FGF14: variants seen among roughly 807,000 people sequenced by gnomAD.
The protein encoded by FGF14 is fibroblast growth factor 14.
Under a neutral mutation model 25.5 loss-of-function variants are expected in FGF14, and 5 were observed. The ratio of observed to expected loss-of-function variants is 0.20; its 90% CI spans 0.10 to 0.41. The LOEUF (loss-of-function observed/expected upper bound fraction) is 0.41. Among genes scored for constraint, FGF14 ranks in the 10% least tolerant of loss-of-function variants. FGF14 has a pLI of 1.00. For missense variants in FGF14, 222 were observed against 320.1 expected (o/e 0.69, Z 2.34); for synonymous variants, 138 against 118.3 (o/e 1.17, Z -1.08).
At chr13:101,837,074 T>G (rs1024379993) in intron 3 of FGF14, among the ~76,000 whole-genome samples, 1 of 152,096 alleles carries the variant, frequency 6.6e-6, no homozygotes, top group African/African-American at 2.4e-5. Flanking sequence ...TAAATCCTAC[T>G]TAGGCATGTC....
intron 3 of FGF14, among the ~76,000 whole-genome samples, chr13:101,861,878 T>C (rs1279265957): frequency 6.6e-6 from 1 of 152,138 alleles, no homozygotes; most frequent in Non-Finnish European, 1.5e-5. Flanking sequence ...CTGACATCCC[T>C]TTCCACTCAT....
chr13:101,770,736 T>C (rs991065475), intron 3 of FGF14, among the ~76,000 whole-genome samples: 1 of 151,880 alleles, frequency 6.6e-6, no homozygotes, highest in Non-Finnish European at 1.5e-5. Context: ...ATACTAAACC[T>C]GATGCTTTTC....
chr13:101,944,907 G>A (rs577974087), intron 1 of FGF14, among the ~76,000 whole-genome samples: 6 of 152,296 alleles, frequency 3.9e-5, no homozygotes, highest in African/African-American at 1.4e-4. Context: ...GAGAGTAAGT[G>A]TTTAATGGGT....
chr13:102,223,183 G>C (rs762434028), intron 1 of FGF14, among the ~76,000 whole-genome samples: 30 of 152,118 alleles, frequency 2.0e-4, no homozygotes, highest in Non-Finnish European at 3.4e-4. Context: ...TAGTATGAGT[G>C]GGGGCAAGGG....
intron 3 of FGF14, among the ~76,000 whole-genome samples, chr13:101,828,675 C>T (rs1030826174): frequency 6.6e-6 from 1 of 151,970 alleles, no homozygotes; most frequent in African/African-American, 2.4e-5. Flanking sequence ...CATGATCTCC[C>T]AAATGGATGA....
chr13:102,304,441 T>C (rs190869268), intron 1 of FGF14, among the ~76,000 whole-genome samples: 3 of 152,218 alleles, frequency 2.0e-5, no homozygotes, highest in African/African-American at 4.8e-5. Flanking sequence ...CCTAAATACA[T>C]TGAAATTGTA....
intron 1 of FGF14, among the ~76,000 whole-genome samples, chr13:102,019,127 C>G (rs1595010084): frequency 1.3e-5 from 2 of 152,110 alleles, no homozygotes; most frequent in African/African-American, 4.8e-5. Context: ...ACAGTCATGA[C>G]AATTTTGAGA....
intron 1 of FGF14, among the ~76,000 whole-genome samples, chr13:102,111,744 A>G (rs2045238211): frequency 6.7e-6 from 1 of 149,888 alleles, no homozygotes. Flanking sequence ...AGATAGTCTC[A>G]TGTACAAAGA....
At chr13:102,118,992 C>T (rs918250901) in intron 1 of FGF14, among the ~76,000 whole-genome samples, 8 of 152,132 alleles carry the variant, frequency 5.3e-5, no homozygotes, top group Admixed American at 2.0e-4. Context: ...CTCCTACAAC[C>T]CCTAATGAAT....
At chr13:102,343,989 A>C (rs2057030239) in intron 1 of FGF14, among the ~76,000 whole-genome samples, 1 of 152,174 alleles carries the variant, frequency 6.6e-6, no homozygotes. Context: ...AAGAATATGG[A>C]GTGCTTTTAA....
intron 1 of FGF14, among the ~76,000 whole-genome samples, chr13:102,101,961 C>G (rs1350880823): frequency 6.6e-6 from 1 of 152,134 alleles, no homozygotes; most frequent in East Asian, 1.9e-4. Context: ...TCTCGGCCTC[C>G]CAAAGTGCTG....
intron 1 of FGF14, among the ~76,000 whole-genome samples, chr13:102,007,610 G>A (rs2039874201): frequency 6.6e-6 from 1 of 152,172 alleles, no homozygotes; most frequent in African/African-American, 2.4e-5. Flanking sequence ...GGGACTCTGT[G>A]ACTCCATCTC....
At chr13:101,845,485 A>G (rs1445170995) in intron 3 of FGF14, among the ~76,000 whole-genome samples, 2 of 152,016 alleles carry the variant, frequency 1.3e-5, no homozygotes, top group African/African-American at 4.8e-5. Flanking sequence ...AAAATACCCA[A>G]TGGCAGAAAC....
intron 1 of FGF14, among the ~76,000 whole-genome samples, chr13:102,140,967 C>G (rs1452209184): frequency 6.6e-6 from 1 of 152,200 alleles, no homozygotes; most frequent in Non-Finnish European, 1.5e-5. Flanking sequence ...GAGCAGACAG[C>G]TGCATCCTCA....
intron 1 of FGF14, 57 bp downstream of exon 1, chr13:101,916,396 G>A (rs2033494843): frequency 3.6e-5 from 58 of 1,598,314 alleles, no homozygotes; most frequent in Middle Eastern, 1.7e-4. Context: ...GAGAAGCTCC[G>A]TTTAGGCGGG....
intron 3 of FGF14, among the ~76,000 whole-genome samples, chr13:101,736,040 T>C (rs571017709): frequency 6.6e-6 from 1 of 152,286 alleles, no homozygotes; most frequent in Admixed American, 6.5e-5. Flanking sequence ...GTTTCTTTGT[T>C]TGACAAATAC....
At chr13:101,776,919 C>A (rs1228160429) in intron 3 of FGF14, among the ~76,000 whole-genome samples, 2 of 152,132 alleles carry the variant, frequency 1.3e-5, no homozygotes, top group Non-Finnish European at 2.9e-5. Context: ...TGTGTCTTCA[C>A]AGGGTGGAAA....
intron 3 of FGF14, among the ~76,000 whole-genome samples, chr13:101,866,295 G>A (rs2044702758): frequency 1.3e-5 from 2 of 151,890 alleles, no homozygotes; most frequent in African/African-American, 2.4e-5. Context: ...GTTAGAAAAG[G>A]TGTCAGACCA....
chr13:102,035,275 CT>C (rs1374933378), intron 1 of FGF14, among the ~76,000 whole-genome samples: 1 of 152,036 alleles, frequency 6.6e-6, no homozygotes, highest in African/African-American at 2.4e-5. Flanking sequence ...GTATGACTCT[CT>C]TTTTGTATTT....
Sources: allele counts gnomAD v4.1 joint callset (sites outside exome capture counted in the v4.1 genomes callset), GRCh38; gene constraint gnomAD v4.1.1; transcripts MANE v1.5; gene names NCBI Gene and HGNC (gene_info 2026-07-23, HGNC 2026-07-21).